The following CFAP20DC variants were observed in gnomAD, a reference collection of about 807,000 sequenced individuals.
The protein encoded by CFAP20DC is protein CFAP20DC.
A neutral mutation model predicts 101.7 loss-of-function variants in CFAP20DC; 84 were observed. The ratio of observed to expected loss-of-function variants is 0.83; its 90% CI spans 0.69 to 0.99. CFAP20DC has a LOEUF of 0.99. Among genes scored for constraint, CFAP20DC ranks in the 50% least tolerant of loss-of-function variants. The pLI, the probability that CFAP20DC is intolerant of heterozygous loss-of-function variation, is 0.00. For synonymous variants in CFAP20DC, 359 were observed against 351.2 expected, an observed-to-expected ratio of 1.02 and a Z score of -0.25; for missense variants, 1,007 against 970.3, an observed-to-expected ratio of 1.04 and a Z score of -0.50.
chr3:58,875,013 T>C (rs2080619735), intron 7 of CFAP20DC, among the ~76,000 whole-genome samples: 1 of 152,194 alleles, frequency 6.6e-6, no homozygotes, highest in Non-Finnish European at 1.5e-5. Flanking sequence ...AAGAGAAATC[T>C]ACCTGGGAGT....
intron 4 of CFAP20DC, among the ~76,000 whole-genome samples, chr3:58,992,203 T>TAATCACTA (rs1212807651): frequency 6.6e-6 from 1 of 152,184 alleles, no homozygotes; most frequent in Non-Finnish European, 1.5e-5. Flanking sequence ...TGTGTGCTGT[T>TAATCACTA]AATCACTAAT....
At chr3:58,908,696 CA>C (rs2083848867) in intron 6 of CFAP20DC, among the ~76,000 whole-genome samples, 1 of 152,112 alleles carries the variant, frequency 6.6e-6, no homozygotes, top group African/African-American at 2.4e-5. Flanking sequence ...AAACCCCACA[CA>C]AAAATGTTTA....
Position 58,859,345 on chromosome 3 carries a change from T to A in CFAP20DC, c.1593+4213A>T, listed in dbSNP as rs1203783956. Among the ~76,000 whole-genome samples the A allele has an allele frequency of 6.6e-6, 1 of 152,190 alleles. No homozygotes were observed. Among genetic ancestry groups the A allele is most frequent in the Non-Finnish European group, 1.5e-5 (1 of 68,020 alleles). The stretch of plus-strand genomic sequence containing the variant: ...GGCAAAGTGATTAGGCTTTTCTAAT[T>A]TTTCAAGGCAAAACATATTTTTCTA... On this transcript the variant is annotated intron_variant, in intron 12 of 16. Coordinates refer to ENST00000482387, the MANE Select transcript of CFAP20DC (RefSeq NM_001394063.1). The surrounding 1 kb of genome is among the most constrained non-coding windows in gnomAD (Gnocchi z 4.1).
intron 3 of CFAP20DC, among the ~76,000 whole-genome samples, chr3:58,730,010 C>T (rs1435175893): frequency 1.4e-5 from 2 of 144,682 alleles, no homozygotes; most frequent in Admixed American, 6.8e-5. Flanking sequence ...GAGAGCGAAA[C>T]CTGTCTCCAA....
intron 13 of CFAP20DC, among the ~76,000 whole-genome samples, chr3:58,842,620 G>T (rs989437195): frequency 6.3e-4 from 96 of 152,334 alleles, no homozygotes; most frequent in Non-Finnish European, 9.1e-4. Flanking sequence ...CTTGATTAGG[G>T]AAACAAAGCA....
At chr3:58,852,010 C>A (rs1358274259) in intron 12 of CFAP20DC, among the ~76,000 whole-genome samples, 1 of 152,140 alleles carries the variant, frequency 6.6e-6, no homozygotes, top group Non-Finnish European at 1.5e-5. Context: ...TGTTCTTTCA[C>A]CCTCCAGAAA....
In CFAP20DC at chr3:58,899,728, A is replaced by T. The variant is rs1576215277; in HGVS notation, c.550+13980T>A. On this transcript the variant is annotated intron_variant, in intron 6 of 16. Transcript: ENST00000482387. This position sits in a 1 kb window ranked among gnomAD's most constrained non-coding sequence, Gnocchi z 5.0. ...CGCTTCCCTTGGCTGGGGTGGGGGGACTGTTGGCTTCATGCCACTCCCGGA... is the reference window on the plus strand; with the variant it reads ...CGCTTCCCTTGGCTGGGGTGGGGGGTCTGTTGGCTTCATGCCACTCCCGGA... 6.6e-6 allele frequency among the ~76,000 whole-genome samples: 1 copy of T among 151,482 alleles called. No individual in the cohort carries two copies. The highest frequency in any genetic ancestry group is 1.5e-5 in the Non-Finnish European group (1 of 67,922).
intron 3 of CFAP20DC, among the ~76,000 whole-genome samples, chr3:58,718,614 C>G (rs531590751): frequency 6.6e-6 from 1 of 152,362 alleles, no homozygotes; most frequent in African/African-American, 2.4e-5. Flanking sequence ...GGCACCTCTT[C>G]ATTCTGGAGC....
At chr3:58,977,292 T>C (rs2092319185) in intron 4 of CFAP20DC, among the ~76,000 whole-genome samples, 1 of 152,192 alleles carries the variant, frequency 6.6e-6, no homozygotes, top group Admixed American at 6.5e-5. Flanking sequence ...TTAGGATCTG[T>C]TCCCCTGCCC....
chr3:58,813,271 A>C (rs1315518779), intron 14 of CFAP20DC, among the ~76,000 whole-genome samples: 2 of 151,930 alleles, frequency 1.3e-5, no homozygotes, highest in Non-Finnish European at 2.9e-5. Flanking sequence ...TGTAGCCCTA[A>C]ACACTTGCTT....
intron 14 of CFAP20DC, among the ~76,000 whole-genome samples, chr3:58,808,654 A>G (rs1437096481): frequency 6.6e-6 from 1 of 152,240 alleles, no homozygotes; most frequent in African/African-American, 2.4e-5. Context: ...AAACTCCATC[A>G]ACTAATGAGC....
Position 58,892,154 on chromosome 3 carries a change from C to T in CFAP20DC, c.551-7445G>A, listed in dbSNP as rs1458435414. Among the ~76,000 whole-genome samples the T allele has an allele frequency of 6.6e-6, 1 of 152,136 alleles. No individual in the cohort carries two copies. Among genetic ancestry groups the T allele is most frequent in the African/African-American group, 2.4e-5 (1 of 41,428 alleles). ...GATCAGATGGCTGTAGATGTGTGGC[C>T]TTATTTCTAGGCTCTCTATTCTCTT... On this transcript the variant is annotated intron_variant, in intron 6 of 16. Transcript: ENST00000482387. This position sits in a 1 kb window ranked among gnomAD's most constrained non-coding sequence, Gnocchi z 4.0.
chr3:58,763,793 T>C (rs1418786206), intron 15 of CFAP20DC, among the ~76,000 whole-genome samples: 1 of 152,352 alleles, frequency 6.6e-6, no homozygotes, highest in East Asian at 1.9e-4. Context: ...TGGAGTTTGC[T>C]GGAGGTGCAC....
chr3:58,812,331 T>G (rs1021235680), intron 14 of CFAP20DC, among the ~76,000 whole-genome samples: 2 of 152,050 alleles, frequency 1.3e-5, no homozygotes, highest in African/African-American at 4.8e-5. Context: ...ATAGAATGGA[T>G]TAAGAAATTG....
chr3:59,043,714 A>G (rs1052600475), intron 3 of CFAP20DC, among the ~76,000 whole-genome samples: 4 of 152,108 alleles, frequency 2.6e-5, no homozygotes, highest in African/African-American at 9.7e-5. Flanking sequence ...CAAATGACAT[A>G]TGTTTATGTG....
intron 14 of CFAP20DC, among the ~76,000 whole-genome samples, chr3:58,826,022 C>T (rs1453288890): frequency 6.6e-6 from 1 of 152,142 alleles, no homozygotes; most frequent in Non-Finnish European, 1.5e-5. Flanking sequence ...TTGCTAAAGA[C>T]TCTTCATTTT....
chr3:58,926,386 G>A (rs181382634), intron 5 of CFAP20DC, among the ~76,000 whole-genome samples: 2 of 150,250 alleles, frequency 1.3e-5, no homozygotes, highest in Non-Finnish European at 1.5e-5. Flanking sequence ...AGAAGAAGAA[G>A]AAGAAAAAAA....
chr3:58,877,222 G>C (rs929058109), intron 7 of CFAP20DC, among the ~76,000 whole-genome samples: 4 of 152,114 alleles, frequency 2.6e-5, no homozygotes, highest in African/African-American at 9.7e-5. Flanking sequence ...GCATTTAGTC[G>C]GGCATGTATT....
rs1286418834 is a variant in CFAP20DC at position 58,724,125 on chromosome 3, A to T, written c.198-6497T>A. Among the ~76,000 whole-genome samples the T allele has an allele frequency of 6.6e-6, 1 of 152,074 alleles. No homozygotes were observed. On this transcript the variant is annotated intron_variant, in intron 3 of 3. Coordinates refer to the CFAP20DC transcript ENST00000486145. This position sits in a 1 kb window ranked among gnomAD's most constrained non-coding sequence, Gnocchi z 5.6. ...TGTGGAGGGGCCTGGGGAATTCTCA[A>T]GTTGGTTTGTGGGGGTCAAGCAGGT...
Sources: allele counts gnomAD v4.1 joint callset (sites outside exome capture counted in the v4.1 genomes callset), GRCh38; gene constraint gnomAD v4.1.1; non-coding constraint Gnocchi (gnomAD v3.1); transcripts MANE v1.5; gene names NCBI Gene and HGNC (gene_info 2026-07-23, HGNC 2026-07-21).